The following ARB2A variants were observed in gnomAD, a reference collection of about 807,000 sequenced individuals.
ARB2A encodes cotranscriptional regulator ARB2A.
the ARB2A span, among the ~76,000 whole-genome samples, chr5:93,806,088 C>A: frequency 2.6e-5 from 4 of 151,956 alleles, no homozygotes; most frequent in East Asian, 3.9e-4. Context: ...CATTCCATTT[C>A]AGCTGGAAAA....
chr5:93,770,349 C>A, the ARB2A span, among the ~76,000 whole-genome samples: 2 of 152,234 alleles, frequency 1.3e-5, no homozygotes, highest in Admixed American at 1.3e-4. Flanking sequence ...CAGCCAATAT[C>A]ATACTGAATG....
chr5:93,840,395 A>G, the ARB2A span, among the ~76,000 whole-genome samples: 15 of 152,188 alleles, frequency 9.9e-5, no homozygotes, highest in Admixed American at 2.0e-4. Flanking sequence ...ATTTGAATTT[A>G]GCAGATATTT....
At chr5:93,848,445 G>C in the ARB2A span, among the ~76,000 whole-genome samples, 3 of 150,274 alleles carry the variant, frequency 2.0e-5, no homozygotes. Flanking sequence ...ATGAATTCTA[G>C]AAATTCTAGA....
the ARB2A span, among the ~76,000 whole-genome samples, chr5:94,086,702 G>A: frequency 3.1e-4 from 47 of 152,100 alleles, no homozygotes; most frequent in Admixed American, 4.6e-4. Flanking sequence ...ACAGGTGCCC[G>A]CCACCACGCC....
At chr5:93,851,053 AG>A in the ARB2A span, among the ~76,000 whole-genome samples, 2 of 152,086 alleles carry the variant, frequency 1.3e-5, no homozygotes, top group Non-Finnish European at 2.9e-5. Flanking sequence ...CTAAGGGCAA[AG>A]TGGAATTCAT....
the ARB2A span, among the ~76,000 whole-genome samples, chr5:93,809,604 T>C: frequency 2.6e-5 from 4 of 152,010 alleles, no homozygotes; most frequent in Non-Finnish European, 5.9e-5. Context: ...GGGGAAAGCA[T>C]AGAGATAAAA....
chr5:93,876,004 T>TA, the ARB2A span, among the ~76,000 whole-genome samples: 1 of 152,160 alleles, frequency 6.6e-6, no homozygotes, highest in African/African-American at 2.4e-5. Context: ...CCCAACACAT[T>TA]AAAAAACAGA....
chr5:93,877,938 G>C, the ARB2A span, among the ~76,000 whole-genome samples: 1 of 152,092 alleles, frequency 6.6e-6, no homozygotes, highest in Non-Finnish European at 1.5e-5. Context: ...ATTGCAATGG[G>C]TCAGGTTGAA....
At chr5:93,657,224 G>A in the ARB2A span, among the ~76,000 whole-genome samples, 6 of 152,248 alleles carry the variant, frequency 3.9e-5, no homozygotes, top group South Asian at 1.2e-3. Flanking sequence ...TTTTGATTTT[G>A]TTAGGCATCC....
chr5:94,090,944 C>T, the ARB2A span, among the ~76,000 whole-genome samples: 9 of 151,964 alleles, frequency 5.9e-5, no homozygotes, highest in Admixed American at 1.3e-4. Context: ...GTAAAGAAGG[C>T]GCTTCCTTTG....
chr5:93,990,258 T>TA, the ARB2A span, among the ~76,000 whole-genome samples: 1 of 152,074 alleles, frequency 6.6e-6, no homozygotes, highest in Non-Finnish European at 1.5e-5. Flanking sequence ...TCTGAAAGCT[T>TA]AAAGTAATTT....
the ARB2A span, among the ~76,000 whole-genome samples, chr5:94,009,112 A>T: frequency 7.2e-5 from 11 of 152,138 alleles, no homozygotes; most frequent in African/African-American, 2.2e-4. Context: ...TAGTTTTTAT[A>T]AATCCTTAAT....
the ARB2A span, among the ~76,000 whole-genome samples, chr5:93,982,253 A>T: frequency 1.3e-5 from 2 of 152,170 alleles, no homozygotes; most frequent in Non-Finnish European, 2.9e-5. Context: ...ATTAAATTAA[A>T]TTGAAAATTC....
chr5:94,065,002 G>GA, the ARB2A span, among the ~76,000 whole-genome samples: 3 of 151,348 alleles, frequency 2.0e-5, no homozygotes, highest in Non-Finnish European at 3.0e-5. Context: ...AAGAGAAAAA[G>GA]AAAAAAACAA....
chr5:93,852,767 A>G, the ARB2A span, among the ~76,000 whole-genome samples: 1 of 151,988 alleles, frequency 6.6e-6, no homozygotes, highest in Non-Finnish European at 1.5e-5. Flanking sequence ...ATAGTTGTAG[A>G]TATGCGGCGT....
the ARB2A span, chr5:93,784,123 T>C: frequency 4.0e-6 from 1 of 252,354 alleles, no homozygotes; most frequent in East Asian, 7.4e-5. Flanking sequence ...TCAGCCAAAG[T>C]TCCTACCATA....
the ARB2A span, among the ~76,000 whole-genome samples, chr5:93,709,657 A>AAC: frequency 2.8e-5 from 4 of 144,948 alleles, no homozygotes; most frequent in South Asian, 2.1e-4. Flanking sequence ...AAAAAAAAAA[A>AAC]CCATAAATAA....
chr5:94,052,368 A>G, the ARB2A span, among the ~76,000 whole-genome samples: 2 of 152,220 alleles, frequency 1.3e-5, no homozygotes, highest in Non-Finnish European at 2.9e-5. Context: ...CAAAGTTTCT[A>G]GTCTCTTATT....
the ARB2A span, among the ~76,000 whole-genome samples, chr5:93,878,577 G>C: frequency 1.3e-5 from 2 of 151,796 alleles, no homozygotes; most frequent in African/African-American, 4.8e-5. Flanking sequence ...CCCACAATCT[G>C]ATCTGTAAAT....
Sources: allele counts gnomAD v4.1 joint callset (sites outside exome capture counted in the v4.1 genomes callset), GRCh38; gene constraint gnomAD v4.1.1; transcripts MANE v1.5; gene names NCBI Gene and HGNC (gene_info 2026-07-23, HGNC 2026-07-21).